COL5A1: variants seen among roughly 807,000 people sequenced by gnomAD.
COL5A1 encodes the protein collagen type V alpha 1 chain.
COL5A1 carries 16 observed loss-of-function variants against 263.7 expected under a neutral mutation model. The observed-to-expected ratio is 0.06, with a 90% CI of 0.04 to 0.09. The LOEUF (loss-of-function observed/expected upper bound fraction) is 0.09. Among genes scored for constraint, COL5A1 ranks in the 10% least tolerant of loss-of-function variants. The probability of loss-of-function intolerance (pLI) is 1.00; values close to 1 mark genes in which losing one functional copy is unlikely to be tolerated. For synonymous variants in COL5A1, 1,012 were observed against 1,004.5 expected (o/e 1.01, Z -0.14); for missense variants, 2,036 against 2,540.5 (o/e 0.80, Z 4.27).
At chr9:134,839,860 G>A (rs1214102689) in intron 65 of COL5A1, among the ~76,000 whole-genome samples, 3 of 152,246 alleles carry the variant, frequency 2.0e-5, no homozygotes, top group Non-Finnish European at 4.4e-5. Context: ...GCTGCAACTG[G>A]CCCCTGCCCT....
chr9:134,659,154 G>T (rs969721951), intron 1 of COL5A1, among the ~76,000 whole-genome samples: 12 of 150,932 alleles, frequency 8.0e-5, no homozygotes, highest in Admixed American at 6.7e-5. Flanking sequence ...AGCACTTTGG[G>T]AGGCTGAAGC....
intron 1 of COL5A1, among the ~76,000 whole-genome samples, chr9:134,643,357 G>C (rs543744869): frequency 6.6e-5 from 10 of 152,306 alleles, no homozygotes; most frequent in African/African-American, 2.4e-4. Flanking sequence ...CGGGCAGAGC[G>C]ATGGGACGGT....
In COL5A1 at chr9:134,712,165, A is replaced by C. The variant is rs1452371438; in HGVS notation, c.654+10832A>C. ...TTTCCTGTCCTCCTCCTTCCTGCCC[A>C]TCTTCTTCCTTTCCCCCCTCCTTCC... is the stretch of plus-strand genomic sequence containing the variant. On this transcript the variant is annotated intron_variant, in intron 4 of 65. Transcript: ENST00000371817. Among the ~76,000 whole-genome samples the C allele has an allele frequency of 9.5e-3, 65 of 6,810 alleles. 1 individual carries two copies. The highest frequency in any genetic ancestry group is 0.017 in the African/African-American group (19 of 1,100). The allele number at this position is 6,810 out of a possible 152,430, so 4.5% of individuals were successfully genotyped here.
chr9:134,737,206 G>A (rs910682692), intron 9 of COL5A1, among the ~76,000 whole-genome samples: 4 of 152,208 alleles, frequency 2.6e-5, no homozygotes, highest in South Asian at 2.1e-4. Context: ...TGACCTCTAC[G>A]TGGAGGGCGC....
intron 29 of COL5A1, among the ~76,000 whole-genome samples, chr9:134,783,444 C>T (rs1050840750): frequency 6.6e-6 from 1 of 152,160 alleles, no homozygotes; most frequent in African/African-American, 2.4e-5. Context: ...GGGTAGGGAG[C>T]TCTTAGAGCA....
intron 13 of COL5A1, 90 bp from the exon 14 acceptor site, chr9:134,752,499 C>T: frequency 1.0e-6 from 1 of 974,278 alleles, no homozygotes; most frequent in Non-Finnish European, 1.7e-6. Flanking sequence ...TCTGCCCGTT[C>T]CCTCCTGCCA....
intron 4 of COL5A1, among the ~76,000 whole-genome samples, chr9:134,722,963 T>A (rs997845054): frequency 6.6e-6 from 1 of 152,150 alleles, no homozygotes; most frequent in Non-Finnish European, 1.5e-5. Flanking sequence ...AGGGCCCCAC[T>A]CTTGCTTCCT....
chr9:134,645,147 C>G (rs1246968732), intron 1 of COL5A1, among the ~76,000 whole-genome samples: 1 of 152,210 alleles, frequency 6.6e-6, no homozygotes, highest in Non-Finnish European at 1.5e-5. Flanking sequence ...GGGGCGTGCT[C>G]CCAGTGCCAG....
At chr9:134,685,472 C>T (rs796298860) in intron 1 of COL5A1, among the ~76,000 whole-genome samples, 4 of 14,560 alleles carry the variant, frequency 2.7e-4, no homozygotes, top group Non-Finnish European at 5.1e-4. Flanking sequence ...ATCCATTCAT[C>T]CATCCATCCA....
chr9:134,671,186 C>T (rs1832530032), intron 1 of COL5A1, among the ~76,000 whole-genome samples: 1 of 152,218 alleles, frequency 6.6e-6, no homozygotes, highest in Non-Finnish European at 1.5e-5. Flanking sequence ...GCTGTTCAGA[C>T]AGCTCCTGCG....
rs1217254699 is a variant in COL5A1, at chr9:134,642,088, G to A, written c.-100G>A. ...TCCCCATGACCTCCTAAAGTGGTGC[G>A]GTCCCTGCTGAGTGCGCTGCCCGGG... On this transcript the variant is annotated 5_prime_UTR_variant, in exon 1 of 66. Transcript: ENST00000371817. This position sits in a 1 kb window ranked among gnomAD's most constrained non-coding sequence, Gnocchi z 4.5. 1.6e-5 allele frequency: 17 copies of A among 1,034,536 alleles called. No individual in the cohort carries two copies. The African/African-American group carries it at 2.6e-4, about 16-fold the overall frequency. 64.1% of individuals were successfully genotyped at this position (1,034,536 alleles called of 1,614,324 possible). A position where few individuals can be genotyped will look rare whatever the true frequency, so the allele number is the denominator to read the frequency against.
At chr9:134,822,863 T>C in intron 59 of COL5A1, 135 bp from the exon 60 acceptor site, 3 of 1,025,910 alleles carry the variant, frequency 2.9e-6, no homozygotes, top group African/African-American at 1.6e-5. Context: ...GCCGGGCAAA[T>C]ACAAGCATAG....
rs1830193672 is a variant in COL5A1, at chr9:134,844,537, T to C, written c.*2234T>C. The stretch of plus-strand genomic sequence containing the variant: ...TATATTGCAATAAAATTACTTCTTA[T>C]ATTTGCAGAAATTCTTTTGGTGTAA... On this transcript the variant is annotated 3_prime_UTR_variant, in exon 66 of 66. Coordinates refer to ENST00000371817, the MANE Select transcript of COL5A1 (RefSeq NM_000093.5). The C allele has an allele frequency of 6.6e-6, 1 of 152,332 alleles. No individual in the cohort carries two copies. The highest frequency in any genetic ancestry group is 1.5e-5 in the Non-Finnish European group (1 of 68,044). 9.4% of individuals were successfully genotyped at this position (152,332 alleles called of 1,614,324 possible).
At chr9:134,788,742 C>A (rs1161908909) in intron 31 of COL5A1, among the ~76,000 whole-genome samples, 2 of 138,574 alleles carry the variant, frequency 1.4e-5, no homozygotes, top group African/African-American at 5.5e-5. Context: ...GATGGGTAAA[C>A]AAGTGGATGG....
chr9:134,676,269 G>A (rs938825650), intron 1 of COL5A1, among the ~76,000 whole-genome samples: 13 of 152,070 alleles, frequency 8.5e-5, no homozygotes, highest in African/African-American at 3.1e-4. Context: ...AGATGACATT[G>A]CCATCTTTTA....
chr9:134,710,193 G>T (rs1025322161), intron 4 of COL5A1, among the ~76,000 whole-genome samples: 6 of 152,240 alleles, frequency 3.9e-5, no homozygotes, highest in Non-Finnish European at 5.9e-5. Flanking sequence ...GGCAAAGCCG[G>T]TGCGGCCCGC....
In COL5A1 at chr9:134,681,128, T is replaced by C. The variant is rs1369792345; in HGVS notation, c.110-9784T>C. 6.6e-6 allele frequency among the ~76,000 whole-genome samples: 1 copy of C among 152,152 alleles called. No individual in the cohort carries two copies. Among genetic ancestry groups the C allele is most frequent in the Non-Finnish European group, 1.5e-5 (1 of 68,022 alleles). ...CGCCTCTGTTTTTCGACCTGCTGGG[T>C]TGACCTCACTGATGAGGCCGCCTGC... On this transcript the variant is annotated intron_variant, in intron 1 of 65. Coordinates refer to ENST00000371817, the MANE Select transcript of COL5A1 (RefSeq NM_000093.5). The surrounding 1 kb of genome is among the most constrained non-coding windows in gnomAD (Gnocchi z 4.3).
At chr9:134,643,220 T>C (rs1197050808) in intron 1 of COL5A1, among the ~76,000 whole-genome samples, 2 of 151,868 alleles carry the variant, frequency 1.3e-5, no homozygotes, top group East Asian at 3.9e-4. Flanking sequence ...TGGTAGTTAG[T>C]GGCGGGGTGG....
intron 4 of COL5A1, among the ~76,000 whole-genome samples, chr9:134,701,898 T>G (rs1833688645): frequency 6.6e-6 from 1 of 152,180 alleles, no homozygotes; most frequent in South Asian, 2.1e-4. Context: ...TCTGGGACCC[T>G]CACTTCAGCC....
Sources: allele counts gnomAD v4.1 joint callset (sites outside exome capture counted in the v4.1 genomes callset), GRCh38; gene constraint gnomAD v4.1.1; non-coding constraint Gnocchi (gnomAD v3.1); transcripts MANE v1.5; gene names NCBI Gene and HGNC (gene_info 2026-07-23, HGNC 2026-07-21).